The following MTMR3 variants were observed in gnomAD, a reference collection of about 807,000 sequenced individuals.
MTMR3 encodes the protein myotubularin related protein 3.
Under a neutral mutation model 132.4 loss-of-function variants are expected in MTMR3, and 32 were observed. That is an observed-to-expected ratio of 0.24 (90% CI 0.18 to 0.32). The LOEUF (loss-of-function observed/expected upper bound fraction) is 0.32, where lower values mean the gene tolerates loss of function less well. MTMR3 is among the 10% of genes least tolerant of loss of function. The pLI is 1.00. For missense variants in MTMR3, 1,216 were observed against 1,489.6 expected, an observed-to-expected ratio of 0.82 and a Z score of 3.02; for synonymous variants, 556 against 550.3, an observed-to-expected ratio of 1.01 and a Z score of -0.14.
intron 1 of MTMR3, among the ~76,000 whole-genome samples, chr22:29,946,916 T>C (rs1375491170): frequency 1.3e-5 from 2 of 152,186 alleles, no homozygotes; most frequent in Non-Finnish European, 2.9e-5. Context: ...AATGATAATA[T>C]ATACCACGGC....
At chr22:29,934,932 C>G (rs1435710552) in intron 1 of MTMR3, among the ~76,000 whole-genome samples, 2 of 152,154 alleles carry the variant, frequency 1.3e-5, no homozygotes, top group Non-Finnish European at 2.9e-5. Flanking sequence ...TTTCGCTTAA[C>G]AAAGTAATTT....
intron 1 of MTMR3, among the ~76,000 whole-genome samples, chr22:29,889,665 T>C (rs1347401807): frequency 1.3e-5 from 2 of 152,136 alleles, no homozygotes; most frequent in Non-Finnish European, 2.9e-5. Context: ...TTGGTATTTT[T>C]GTTTTTTTTC....
At chr22:29,929,193 A>G (rs1032313257) in intron 1 of MTMR3, among the ~76,000 whole-genome samples, 2 of 151,996 alleles carry the variant, frequency 1.3e-5, no homozygotes, top group African/African-American at 4.8e-5. Flanking sequence ...AGGCAGGAGA[A>G]TCGCTTGAGC....
intron 2 of MTMR3, among the ~76,000 whole-genome samples, chr22:29,960,642 G>T (rs2066292788): frequency 6.6e-6 from 1 of 152,088 alleles, no homozygotes; most frequent in Non-Finnish European, 1.5e-5. Context: ...CATGTTATAT[G>T]CATTATATCT....
chr22:29,953,653 A>G (rs1481330737), intron 1 of MTMR3, among the ~76,000 whole-genome samples: 1 of 152,210 alleles, frequency 6.6e-6, no homozygotes, highest in Non-Finnish European at 1.5e-5. Context: ...ATCTTTTACA[A>G]TGGACAAAAT....
At chr22:29,945,362 A>C (rs1241467887) in intron 1 of MTMR3, among the ~76,000 whole-genome samples, 1 of 152,142 alleles carries the variant, frequency 6.6e-6, no homozygotes, top group Non-Finnish European at 1.5e-5. Context: ...GAATAACTAT[A>C]TTGAAATGGC....
At chr22:29,915,497 C>T (rs2065291441) in intron 1 of MTMR3, among the ~76,000 whole-genome samples, 3 of 152,220 alleles carry the variant, frequency 2.0e-5, no homozygotes, top group Admixed American at 2.0e-4. Flanking sequence ...TCTTGGCTCA[C>T]TGCAACCTCA....
intron 1 of MTMR3, among the ~76,000 whole-genome samples, chr22:29,936,995 T>C (rs781748871): frequency 6.6e-6 from 1 of 152,196 alleles, no homozygotes; most frequent in Non-Finnish European, 1.5e-5. Context: ...ATATAAAGGC[T>C]TATATTTTAC....
intron 3 of MTMR3, among the ~76,000 whole-genome samples, chr22:29,971,625 T>C (rs1174438878): frequency 6.6e-6 from 1 of 152,184 alleles, no homozygotes; most frequent in Non-Finnish European, 1.5e-5. Flanking sequence ...CTACCTTCCC[T>C]GTTTTGTCTC....
chr22:30,007,210 A>G lies in MTMR3; in HGVS notation c.768A>G (p.Ser256=), dbSNP rs771687621. ...RNADDEHLVQ[S]VAKACASDSR... ...CAGATGATGAGCATCTGGTACAGTCAGTAGCCAAAGCTTGTGCCTCTGACT... is the reference window on the plus strand; with the variant it reads ...CAGATGATGAGCATCTGGTACAGTCGGTAGCCAAAGCTTGTGCCTCTGACT... Residue 256 remains serine, a synonymous_variant, in exon 10 of 20, where the codon TCA becomes TCG. Coordinates refer to ENST00000401950, the MANE Select transcript of MTMR3 (RefSeq NM_021090.4). 2 of 1,614,230 alleles carry G rather than the reference A, an allele frequency of 1.2e-6. No individual in the cohort carries two copies. Among genetic ancestry groups the G allele is most frequent in the Non-Finnish European group, 1.7e-6 (2 of 1,180,036 alleles).
At chr22:29,972,473 G>C (rs2066554190) in intron 3 of MTMR3, among the ~76,000 whole-genome samples, 7 of 152,124 alleles carry the variant, frequency 4.6e-5, no homozygotes, top group African/African-American at 1.7e-4. Flanking sequence ...GGCCATGTAT[G>C]TATCTTTTGT....
intron 1 of MTMR3, among the ~76,000 whole-genome samples, chr22:29,884,272 A>C (rs1435614437): frequency 6.6e-6 from 1 of 152,078 alleles, no homozygotes; most frequent in Non-Finnish European, 1.5e-5. Context: ...ACAAAACAAA[A>C]CAAAACAAAA....
chr22:29,986,429 T>C, intron 5 of MTMR3: 1 of 406,826 alleles, frequency 2.5e-6, no homozygotes, highest in Non-Finnish European at 3.3e-6. Flanking sequence ...AGCAAAGTTA[T>C]CTTCTAATCT....
chr22:29,972,693 C>G (rs74570775), intron 3 of MTMR3, among the ~76,000 whole-genome samples: 1,630 of 152,286 alleles, frequency 0.011, 34 homozygotes, highest in African/African-American at 0.038. Context: ...GCCTCGGCCT[C>G]TCAAGTAGCT....
chr22:30,019,438 A>G (rs1327325760), intron 16 of MTMR3, 42 bp from the exon 17 acceptor site: 2 of 1,547,188 alleles, frequency 1.3e-6, no homozygotes, highest in Middle Eastern at 1.7e-4. Flanking sequence ...TCCTCCAAAC[A>G]GTTTCCAAGA....
At chr22:29,912,221 G>A (rs78941319) in intron 1 of MTMR3, among the ~76,000 whole-genome samples, 2,540 of 152,290 alleles carry the variant, frequency 0.017, 66 homozygotes, top group African/African-American at 0.058. Context: ...TAAGGTTAAA[G>A]TTGATGTGGC....
intron 2 of MTMR3, among the ~76,000 whole-genome samples, chr22:29,962,967 C>A (rs555513275): frequency 6.7e-6 from 1 of 149,172 alleles, no homozygotes; most frequent in Non-Finnish European, 1.5e-5. Context: ...TCTGGTGTGC[C>A]GTGGCATGAA....
chr22:29,951,600 C>T (rs561097071), intron 1 of MTMR3, among the ~76,000 whole-genome samples: 5 of 152,258 alleles, frequency 3.3e-5, no homozygotes, highest in African/African-American at 7.2e-5. Flanking sequence ...CATCTGGAAA[C>T]GCCACTAAAT....
At chr22:29,982,940 TGTGTG>T (rs1569035699) in intron 5 of MTMR3, 6 of 57,912 alleles carry the variant, frequency 1.0e-4, no homozygotes, top group African/African-American at 2.2e-4. Flanking sequence ...AGTTTGTTTG[TGTGTG>T]TGTGTGTGTG....
Sources: gnomAD v4.1 joint callset for allele counts (sites outside exome capture counted in the v4.1 genomes callset) on GRCh38, gnomAD v4.1.1 for gene constraint, MANE v1.5 for transcripts, NCBI Gene and HGNC (gene_info 2026-07-23, HGNC 2026-07-21) for gene names.